The following DST variants were observed in gnomAD, a reference collection of about 807,000 sequenced individuals.
DST encodes bullous pemphigoid antigen.
A neutral mutation model predicts 875.2 loss-of-function variants in DST; 253 were observed. That is an observed-to-expected ratio of 0.29 (90% CI 0.26 to 0.32). The LOEUF (loss-of-function observed/expected upper bound fraction) is 0.32. Among genes scored for constraint, DST ranks in the 10% least tolerant of loss-of-function variants. DST has a pLI of 1.00. For missense variants in DST, 8,287 were observed against 9,111.6 expected, an observed-to-expected ratio of 0.91 and a Z score of 3.68; for synonymous variants, 3,124 against 3,197.1, an observed-to-expected ratio of 0.98 and a Z score of 0.77.
chr6:56,620,816 C>T, intron 36 of DST: 2 of 1,083,268 alleles, frequency 1.8e-6, no homozygotes, highest in South Asian at 2.5e-5. Context: ...CAAGTGAACT[C>T]AAATGCAGAA....
At chr6:56,620,184 C>T (rs1243621115) in intron 36 of DST, 2 of 1,613,522 alleles carry the variant, frequency 1.2e-6, no homozygotes, top group Non-Finnish European at 1.7e-6. Flanking sequence ...AGTTCTTCCT[C>T]ATTGTCTCTC....
chr6:56,881,225 A>G (rs150946717), intron 3 of DST, among the ~76,000 whole-genome samples: 2,386 of 152,228 alleles, frequency 0.016, 64 homozygotes, highest in African/African-American at 0.054. Context: ...CTGTAATCCC[A>G]GCACTTTGGG....
chr6:56,709,940 G>C (rs1428275962), intron 5 of DST, among the ~76,000 whole-genome samples: 2 of 152,168 alleles, frequency 1.3e-5, no homozygotes, highest in Non-Finnish European at 2.9e-5. Flanking sequence ...GAAAGCAGTG[G>C]TGAAGTCAAT....
chr6:56,469,052 T>TC, intron 97 of DST, 53 bp from the exon 98 acceptor site: 1 of 1,404,220 alleles, frequency 7.1e-7, no homozygotes, highest in Non-Finnish European at 9.9e-7. Flanking sequence ...CAGGAAACTT[T>TC]CTGTATGACT....
At chr6:56,619,442 T>C (rs2098664550) in intron 36 of DST, 2 of 1,612,318 alleles carry the variant, frequency 1.2e-6, no homozygotes, top group African/African-American at 1.3e-5. Context: ...AAATTGTTCT[T>C]TTAGATGATC....
Position 56,639,743 on chromosome 6 carries a change from A to C in DST, c.2650T>G (p.Tyr884Asp). The C allele has an allele frequency of 6.2e-7, 1 of 1,613,858 alleles. No individual in the cohort carries two copies. The highest frequency in any genetic ancestry group is 8.5e-7 in the Non-Finnish European group (1 of 1,179,846). The change falls in exon 20 of 104, where the codon TAT (tyrosine) becomes GAT (aspartate). Residue 884 changes from tyrosine (Y) to aspartate (D), a missense_variant. Transcript: ENST00000680361. ...IQMTAPLKLTYAEKLHRLESQ... is the reference protein window; with the variant it reads ...IQMTAPLKLTDAEKLHRLESQ... ...TCTAATCTGTGCAACTTTTCTGCAT[A>C]AGTCAGTTTAAGAGGTGCTGTCATT...
At chr6:56,595,935 A>C (rs1460490306) in intron 47 of DST, among the ~76,000 whole-genome samples, 3 of 152,158 alleles carry the variant, frequency 2.0e-5, no homozygotes, top group African/African-American at 7.2e-5. Context: ...TGGGACAACT[A>C]CTGAAAGCTA....
intron 99 of DST, among the ~76,000 whole-genome samples, chr6:56,465,374 G>C (rs1438646764): frequency 6.6e-6 from 1 of 152,020 alleles, no homozygotes; most frequent in Admixed American, 6.5e-5. Flanking sequence ...TTTTTTCTTG[G>C]GGGGGAAGAA....
intron 87 of DST, among the ~76,000 whole-genome samples, chr6:56,486,389 G>C (rs1364137328): frequency 1.4e-5 from 2 of 138,448 alleles, no homozygotes; most frequent in African/African-American, 5.4e-5. Flanking sequence ...AAAAAAAAAG[G>C]ATTTTTTCAA....
intron 5 of DST, among the ~76,000 whole-genome samples, chr6:56,709,356 G>A (rs1242128035): frequency 2.6e-5 from 4 of 152,148 alleles, no homozygotes; most frequent in Non-Finnish European, 2.9e-5. Context: ...CTCATGCCAG[G>A]TCTGTATTAC....
intron 4 of DST, among the ~76,000 whole-genome samples, chr6:56,764,579 A>G (rs2152968449): frequency 6.6e-6 from 1 of 152,314 alleles, no homozygotes; most frequent in Middle Eastern, 3.4e-3. Context: ...TAGTAAACAC[A>G]CTGCCTAGCT....
chr6:56,611,830 A>G (rs1243779478), intron 37 of DST, among the ~76,000 whole-genome samples: 1 of 152,184 alleles, frequency 6.6e-6, no homozygotes, highest in East Asian at 1.9e-4. Context: ...TTTCAAGAGA[A>G]AATAATACAT....
At chr6:56,461,743 G>A (rs1246998258) in intron 102 of DST, 1 of 152,158 alleles carries the variant, frequency 6.6e-6, no homozygotes, top group African/African-American at 2.4e-5. Context: ...TAAAGCAAAT[G>A]TTAATATGTC....
In DST at chr6:56,954,808, A is replaced by G. The variant is rs1478799489; in HGVS notation, c.-221T>C. On this transcript the variant is annotated 5_prime_UTR_variant, in exon 1 of 104. Coordinates refer to ENST00000680361, the MANE Select transcript of DST (RefSeq NM_001374736.1). ...CGGGGAGCGCTTGCCATGACTCAGCAGACAGCGACGAGGCTGCGACTCGGC... is the reference window on the plus strand; with the variant it reads ...CGGGGAGCGCTTGCCATGACTCAGCGGACAGCGACGAGGCTGCGACTCGGC... Among the ~76,000 whole-genome samples the G allele has an allele frequency of 2.0e-5, 3 of 149,784 alleles. No individual in the cohort carries two copies. The highest frequency in any genetic ancestry group is 6.6e-5 in the Admixed American group (1 of 15,096).
At chr6:56,582,759 C>T (rs2152653709) in intron 49 of DST, among the ~76,000 whole-genome samples, 1 of 152,134 alleles carries the variant, frequency 6.6e-6, no homozygotes, top group East Asian at 1.9e-4. Context: ...CCCCACCCCA[C>T]AACAGGCCCC....
rs938184892 is a variant in DST, at chr6:56,597,642, G to A, written c.12195+98C>T. 2.3e-6 allele frequency: 3 copies of A among 1,279,408 alleles called. No homozygotes were observed. The African/African-American group carries it at 4.5e-5, about 19-fold the overall frequency. The allele number at this position is 1,279,408 out of a possible 1,614,324, so 79.3% of individuals were successfully genotyped here. On this transcript the variant is annotated intron_variant, in intron 47 of 103. Transcript: ENST00000680361. ...ATGAACACAGAAAAAAACCTCTTTT[G>A]TCAGTAAGGTTTGAAAAGAACTCAT...
At chr6:56,814,154 T>C (rs1445996645) in intron 4 of DST, among the ~76,000 whole-genome samples, 1 of 152,182 alleles carries the variant, frequency 6.6e-6, no homozygotes, top group Non-Finnish European at 1.5e-5. Flanking sequence ...TATTATTTAT[T>C]ATATAAACAA....
intron 32 of DST, 124 bp from the exon 33 acceptor site, chr6:56,628,285 T>C: frequency 2.4e-6 from 2 of 839,530 alleles, no homozygotes; most frequent in Admixed American, 4.1e-5. Context: ...CGGGTATGTA[T>C]AAAGAACTCA....
chr6:56,692,957 T>C, intron 9 of DST: 1 of 1,289,848 alleles, frequency 7.8e-7, no homozygotes, highest in Non-Finnish European at 1.0e-6. Flanking sequence ...GAAGGCTGAC[T>C]GCTGCTCTTC....
Sources: gnomAD v4.1 joint callset for allele counts (sites outside exome capture counted in the v4.1 genomes callset) on GRCh38, gnomAD v4.1.1 for gene constraint, MANE v1.5 for transcripts, NCBI Gene and HGNC (gene_info 2026-07-23, HGNC 2026-07-21) for gene names.